Variants in RFT1 observed in about 807,000 individuals in gnomAD.
RFT1 encodes the protein man(5)GlcNAc(2)-PP-dolichol translocation protein RFT1.
In RFT1, 43 loss-of-function variants were observed where a neutral mutation model predicts 62.2. That is an observed-to-expected ratio of 0.69 (90% CI 0.54 to 0.89). The LOEUF (loss-of-function observed/expected upper bound fraction) is 0.89, where lower values mean the gene tolerates loss of function less well. Among genes scored for constraint, RFT1 ranks in the 40% least tolerant of loss-of-function variants. RFT1 has a pLI of 0.00. For synonymous variants in RFT1, 262 were observed against 264.6 expected, an observed-to-expected ratio of 0.99 and a Z score of 0.10; for missense variants, 605 against 649.9, an observed-to-expected ratio of 0.93 and a Z score of 0.75.
the RFT1 span, among the ~76,000 whole-genome samples, chr3:53,070,765 G>T: frequency 6.6e-6 from 1 of 151,556 alleles, no homozygotes; most frequent in African/African-American, 2.4e-5. Context: ...GGCCAGGTGC[G>T]GTGGCTCACA....
Position 53,089,467 on chromosome 3 carries a change from T to C in RFT1, c.*2436A>G, listed in dbSNP as rs1700932454. 6.6e-6 allele frequency: 1 copy of C among 152,238 alleles called. No individual in the cohort carries two copies. Among genetic ancestry groups the C allele is most frequent in the Non-Finnish European group, 1.5e-5 (1 of 68,056 alleles). 9.4% of individuals were successfully genotyped at this position (152,238 alleles called of 1,614,324 possible). On this transcript the variant is annotated 3_prime_UTR_variant, in exon 13 of 13. Transcript: ENST00000296292. ...GGTATTGAAAGCCAAAAGTATGATT[T>C]CTGCTCCCCAAATCCACTTGGGTAA...
chr3:53,125,719 C>G (rs981065359), intron 2 of RFT1, among the ~76,000 whole-genome samples, 190 bp downstream of exon 2: 1 of 152,216 alleles, frequency 6.6e-6, no homozygotes, highest in Admixed American at 6.5e-5. Flanking sequence ...CTCCATGAGT[C>G]CATTAAAAGC....
At chr3:53,102,138 G>C (rs529824908) in intron 10 of RFT1, among the ~76,000 whole-genome samples, 2 of 152,276 alleles carry the variant, frequency 1.3e-5, no homozygotes, top group South Asian at 4.2e-4. Flanking sequence ...TGAAGACAGA[G>C]AGAACACAGC....
downstream of RFT1, among the ~76,000 whole-genome samples, chr3:53,088,189 G>C (rs527944970): frequency 6.6e-6 from 1 of 152,322 alleles, no homozygotes; most frequent in East Asian, 1.9e-4. Context: ...GCCAGATGGA[G>C]AAGACAGGAG....
intron 11 of RFT1, among the ~76,000 whole-genome samples, chr3:53,096,615 G>A (rs562586255): frequency 3.3e-5 from 5 of 151,972 alleles, no homozygotes; most frequent in East Asian, 2.0e-4. Flanking sequence ...CCTGGGAGGC[G>A]GAGGCTGCAG....
intron 11 of RFT1, among the ~76,000 whole-genome samples, chr3:53,098,552 C>T (rs963773931): frequency 3.9e-5 from 6 of 152,176 alleles, no homozygotes; most frequent in African/African-American, 7.2e-5. Flanking sequence ...CCTGTAATCC[C>T]GGCACTTTGG....
chr3:53,075,355 C>T, the RFT1 span, among the ~76,000 whole-genome samples: 3 of 152,216 alleles, frequency 2.0e-5, no homozygotes, highest in African/African-American at 7.2e-5. Context: ...ACACCCATCC[C>T]TTGTCTCTTG....
At chr3:53,103,932 C>G in intron 10 of RFT1, 21 bp downstream of exon 10, 5 of 1,613,952 alleles carry the variant, frequency 3.1e-6, no homozygotes, top group Non-Finnish European at 4.2e-6. Context: ...AGAAAAAATC[C>G]AGAAAAACTC....
At chr3:53,072,790 G>A in the RFT1 span, among the ~76,000 whole-genome samples, 3 of 152,174 alleles carry the variant, frequency 2.0e-5, no homozygotes, top group Non-Finnish European at 4.4e-5. Flanking sequence ...TGTCAGTCCC[G>A]CTCATCTGCT....
intron 3 of RFT1, among the ~76,000 whole-genome samples, chr3:53,122,858 A>G (rs375009100): frequency 1.4e-4 from 21 of 152,316 alleles, no homozygotes; most frequent in African/African-American, 3.4e-4. Context: ...CAATCCTGCA[A>G]TAACTCCAAA....
At chr3:53,081,783 A>G in the RFT1 span, among the ~76,000 whole-genome samples, 1 of 152,194 alleles carries the variant, frequency 6.6e-6, no homozygotes, top group Non-Finnish European at 1.5e-5. Flanking sequence ...TTTCTCCCAA[A>G]TATTTCTTAT....
At chr3:53,101,109 G>T (rs1198879042) in intron 10 of RFT1, among the ~76,000 whole-genome samples, 1 of 152,078 alleles carries the variant, frequency 6.6e-6, no homozygotes, top group African/African-American at 2.4e-5. Context: ...CAGTTTTATG[G>T]CAGTCACAAA....
chr3:53,081,903 A>G, the RFT1 span, among the ~76,000 whole-genome samples: 4 of 151,976 alleles, frequency 2.6e-5, no homozygotes, highest in African/African-American at 9.7e-5. Context: ...TCAGGGATGG[A>G]TTGAAAACAA....
At chr3:53,117,501 T>A (rs1305020699) in intron 6 of RFT1, among the ~76,000 whole-genome samples, 1 of 152,198 alleles carries the variant, frequency 6.6e-6, no homozygotes, top group Non-Finnish European at 1.5e-5. Context: ...GGCGCCATGT[T>A]CTTACTGTAT....
the RFT1 span, among the ~76,000 whole-genome samples, chr3:53,074,727 G>A: frequency 6.6e-6 from 1 of 152,136 alleles, no homozygotes; most frequent in Admixed American, 6.5e-5. Context: ...GCACTCTCTG[G>A]GTGAGGCTTT....
At chr3:53,076,326 T>C in the RFT1 span, among the ~76,000 whole-genome samples, 236 of 152,126 alleles carry the variant, frequency 1.6e-3, 2 homozygotes, top group Non-Finnish European at 2.6e-3. Flanking sequence ...GTGGAATAAG[T>C]AGTGAGGGGT....
chr3:53,102,445 G>A (rs2564961), intron 10 of RFT1, among the ~76,000 whole-genome samples: 78,349 of 152,052 alleles, frequency 0.52, 21,833 homozygotes, highest in East Asian at 0.73. Flanking sequence ...AGAGAGAAAT[G>A]TAAGAAATCT....
At chr3:53,129,308 G>T (rs145952704) in intron 1 of RFT1, among the ~76,000 whole-genome samples, 94 of 152,230 alleles carry the variant, frequency 6.2e-4, no homozygotes, top group African/African-American at 2.2e-3. Context: ...CACTTAAGAG[G>T]CATGATTTCA....
At chr3:53,072,754 C>A in the RFT1 span, among the ~76,000 whole-genome samples, 4 of 152,204 alleles carry the variant, frequency 2.6e-5, no homozygotes, top group Non-Finnish European at 5.9e-5. Context: ...GTGACTGCAC[C>A]CTGGGGCGGC....
Sources: allele counts gnomAD v4.1 joint callset (sites outside exome capture counted in the v4.1 genomes callset), GRCh38; gene constraint gnomAD v4.1.1; transcripts MANE v1.5; gene names NCBI Gene and HGNC (gene_info 2026-07-23, HGNC 2026-07-21).